The following HS3ST3A1 variants were observed in gnomAD, a reference collection of about 807,000 sequenced individuals.
The protein encoded by HS3ST3A1 is heparan sulfate glucosamine 3-O-sulfotransferase 3A1.
HS3ST3A1 carries 19 observed loss-of-function variants against 25.7 expected under a neutral mutation model. The observed-to-expected ratio is 0.74, with a 90% CI of 0.52 to 1.08. HS3ST3A1 has a LOEUF of 1.08. Ranked by LOEUF, HS3ST3A1 falls within the 50% of genes least tolerant of loss-of-function variation. HS3ST3A1 has a pLI of 0.00. For missense variants in HS3ST3A1, 459 were observed against 594.3 expected (o/e 0.77, Z 2.37); for synonymous variants, 226 against 278.6 (o/e 0.81, Z 1.88).
chr17:13,519,602 G>A (rs1598412038), intron 1 of HS3ST3A1, among the ~76,000 whole-genome samples: 1 of 152,126 alleles, frequency 6.6e-6, no homozygotes. Flanking sequence ...CCCACACTAA[G>A]AGCCAACTGC....
At chr17:13,581,640 T>C (rs143690891) in intron 1 of HS3ST3A1, among the ~76,000 whole-genome samples, 3 of 152,286 alleles carry the variant, frequency 2.0e-5, no homozygotes, top group Non-Finnish European at 2.9e-5. Context: ...AAGCAAGCAA[T>C]GGACTGAATA....
At chr17:13,544,389 C>A (rs777295499) in intron 1 of HS3ST3A1, among the ~76,000 whole-genome samples, 1 of 152,188 alleles carries the variant, frequency 6.6e-6, no homozygotes, top group Non-Finnish European at 1.5e-5. Context: ...AAATGCTAGT[C>A]CTTCAGCTGT....
chr17:13,533,126 AG>A (rs1462545117), intron 1 of HS3ST3A1, among the ~76,000 whole-genome samples: 1 of 152,036 alleles, frequency 6.6e-6, no homozygotes, highest in Admixed American at 6.6e-5. Flanking sequence ...ATTGTGGAGG[AG>A]GGGGGAACTG....
rs1907106333 is a variant in HS3ST3A1, at chr17:13,546,960, T to A, written c.600-50142A>T. Among the ~76,000 whole-genome samples the A allele has an allele frequency of 2.6e-5, 4 of 152,220 alleles. No homozygotes were observed. The South Asian group carries it at 6.2e-4, about 24-fold the overall frequency. On this transcript the variant is annotated intron_variant, in intron 1 of 1. Coordinates refer to ENST00000284110, the MANE Select transcript of HS3ST3A1 (RefSeq NM_006042.3). ...CTACTAAGCAGTATAAAACTTCATA[T>A]GGTATGCAACTTTTAGCAAACTTAT...
chr17:13,585,186 C>CATTTTTT (rs1908219145), intron 1 of HS3ST3A1, among the ~76,000 whole-genome samples: 1 of 33,234 alleles, frequency 3.0e-5, no homozygotes, highest in African/African-American at 1.2e-4. Flanking sequence ...TTTTTCTGTG[C>CATTTTTT]TTTTTTTTTT....
chr17:13,568,212 T>C (rs1471591087), intron 1 of HS3ST3A1, among the ~76,000 whole-genome samples: 1 of 152,240 alleles, frequency 6.6e-6, no homozygotes, highest in Admixed American at 6.5e-5. Context: ...TTGTTAGCAA[T>C]AAAGTATTTT....
chr17:13,575,780 C>T (rs950572862), intron 1 of HS3ST3A1, among the ~76,000 whole-genome samples: 3 of 152,216 alleles, frequency 2.0e-5, no homozygotes, highest in East Asian at 1.9e-4. Flanking sequence ...TATTAACTGT[C>T]GTTCCCATCA....
chr17:13,589,439 T>A (rs575799036), intron 1 of HS3ST3A1, among the ~76,000 whole-genome samples: 3 of 152,198 alleles, frequency 2.0e-5, no homozygotes, highest in Non-Finnish European at 4.4e-5. Context: ...TTTCTTTCCA[T>A]CATTAAACCC....
At chr17:13,512,305 C>CAAAAAAAAAAAAAAAAA (rs67523378) in intron 1 of HS3ST3A1, among the ~76,000 whole-genome samples, 2 of 82,100 alleles carry the variant, frequency 2.4e-5, no homozygotes, top group African/African-American at 6.0e-5. Context: ...GACTCCGTCT[C>CAAAAAAAAAAAAAAAAA]AAAAAAAAAA....
intron 1 of HS3ST3A1, among the ~76,000 whole-genome samples, chr17:13,555,744 A>G (rs1214097869): frequency 6.6e-6 from 1 of 152,240 alleles, no homozygotes; most frequent in Non-Finnish European, 1.5e-5. Context: ...TGAGACAATC[A>G]TTTAACTACT....
At chr17:13,527,880 G>T (rs1316096917) in intron 1 of HS3ST3A1, among the ~76,000 whole-genome samples, 2 of 152,142 alleles carry the variant, frequency 1.3e-5, no homozygotes, top group Non-Finnish European at 2.9e-5. Flanking sequence ...ATTCTTGGTT[G>T]CTGTTTGCTT....
chr17:13,559,815 TTTTTATTTTA>T (rs916630179), intron 1 of HS3ST3A1, among the ~76,000 whole-genome samples: 4 of 151,910 alleles, frequency 2.6e-5, no homozygotes, highest in Admixed American at 6.6e-5. Context: ...TAAATACACA[TTTTTATTTTA>T]TTTTATTTTA....
chr17:13,564,492 T>TACAC (rs1291104226), intron 1 of HS3ST3A1, among the ~76,000 whole-genome samples: 6 of 152,214 alleles, frequency 3.9e-5, no homozygotes. Flanking sequence ...GCATATAACC[T>TACAC]ACACACATCC....
chr17:13,601,118 C>T lies in HS3ST3A1; in HGVS notation c.12G>A (p.Pro4=). MAP[P]GPASALSTSA... ...AGGTGGAGAGGGCACTGGCCGGGCC[C>T]GGAGGGGCCATCCTAGCCGGAGGCG... Residue 4 remains proline (P), a synonymous_variant, in exon 1 of 2, where the codon CCG becomes CCA. Coordinates refer to ENST00000284110, the MANE Select transcript of HS3ST3A1 (RefSeq NM_006042.3). 6.4e-7 allele frequency: 1 copy of T among 1,562,476 alleles called. No individual in the cohort carries two copies. Among genetic ancestry groups the T allele is most frequent in the Non-Finnish European group, 8.6e-7 (1 of 1,156,462 alleles).
At chr17:13,578,405 A>G (rs938296152) in intron 1 of HS3ST3A1, among the ~76,000 whole-genome samples, 1 of 150,944 alleles carries the variant, frequency 6.6e-6, no homozygotes, top group African/African-American at 2.4e-5. Flanking sequence ...AAAAAAAAAA[A>G]AAAAAAAATT....
Position 13,585,839 on chromosome 17 carries a change from C to G in HS3ST3A1, c.599+14692G>C, listed in dbSNP as rs1283529759. 5.1e-5 allele frequency among the ~76,000 whole-genome samples: 5 copies of G among 98,406 alleles called. 2 individuals are homozygous for G. The highest frequency in any genetic ancestry group is 2.0e-4 in the Admixed American group (2 of 9,810). The allele number at this position is 98,406 out of a possible 152,430, so 64.6% of individuals were successfully genotyped here. On this transcript the variant is annotated intron_variant, in intron 1 of 1. Coordinates refer to ENST00000284110, the MANE Select transcript of HS3ST3A1 (RefSeq NM_006042.3). ...TTGAGACCTGTTATTCCTCCTTCTG[C>G]GTTTTTTTTTTTTTTTTTTTTTTTT... is the stretch of plus-strand genomic sequence containing the variant.
intron 1 of HS3ST3A1, among the ~76,000 whole-genome samples, chr17:13,581,787 G>T (rs1461226849): frequency 1.3e-5 from 2 of 152,116 alleles, no homozygotes; most frequent in Non-Finnish European, 2.9e-5. Context: ...TGGGCTAAAT[G>T]ACCCCAAGTT....
intron 1 of HS3ST3A1, among the ~76,000 whole-genome samples, chr17:13,568,280 G>A (rs1348857021): frequency 6.6e-6 from 1 of 152,152 alleles, no homozygotes; most frequent in Non-Finnish European, 1.5e-5. Context: ...ATAGACTATA[G>A]TATAGCATAA....
At chr17:13,566,124 G>A (rs184693558) in intron 1 of HS3ST3A1, among the ~76,000 whole-genome samples, 2 of 152,304 alleles carry the variant, frequency 1.3e-5, no homozygotes, top group African/African-American at 4.8e-5. Flanking sequence ...CAGCAACCCT[G>A]TATCAAGTAA....
Sources: gnomAD v4.1 joint callset for allele counts (sites outside exome capture counted in the v4.1 genomes callset) on GRCh38, gnomAD v4.1.1 for gene constraint, MANE v1.5 for transcripts, NCBI Gene and HGNC (gene_info 2026-07-23, HGNC 2026-07-21) for gene names.